Variants in FBXO33 observed in about 807,000 individuals in gnomAD.
FBXO33 encodes F-box only protein 33.
Under a neutral mutation model 46.3 loss-of-function variants are expected in FBXO33, and 22 were observed. That is an observed-to-expected ratio of 0.48 (90% confidence interval 0.34 to 0.68). The LOEUF is 0.68. Among genes scored for constraint, FBXO33 ranks in the 30% least tolerant of loss-of-function variants. The pLI is 0.01. For missense variants in FBXO33, 692 were observed against 708.8 expected, an observed-to-expected ratio of 0.98 and a Z score of 0.27; for synonymous variants, 337 against 291.3, an observed-to-expected ratio of 1.16 and a Z score of -1.60.
At chr14:39,403,695 A>T (rs936089877) in intron 1 of FBXO33, among the ~76,000 whole-genome samples, 4 of 152,232 alleles carry the variant, frequency 2.6e-5, no homozygotes, top group Non-Finnish European at 4.4e-5. Flanking sequence ...TCCAATAATA[A>T]CGAACTAGAT....
chr14:39,426,126 A>T (rs1172368738), intron 1 of FBXO33, among the ~76,000 whole-genome samples: 2 of 151,976 alleles, frequency 1.3e-5, no homozygotes, highest in East Asian at 3.8e-4. Flanking sequence ...ATTTTTAAAA[A>T]TTATTTATTT....
rs576517410 is a variant in FBXO33, at chr14:39,399,506, TA to T, written c.*9del. The T allele has an allele frequency of 3.2e-5, 51 of 1,597,520 alleles. No individual in the cohort carries two copies. Among genetic ancestry groups the T allele is most frequent in the Admixed American group, 5.2e-5 (3 of 57,822 alleles). The stretch of plus-strand genomic sequence containing the variant: ...ATATGTAACCACAGGAATTCTACAT[TA>T]AAAAAAAGCTAAATGTCTTCACTGA... On this transcript the variant is annotated 3_prime_UTR_variant, in exon 4 of 4. Transcript: ENST00000298097.
chr14:39,404,059 T>C (rs1329924136), intron 1 of FBXO33, among the ~76,000 whole-genome samples: 1 of 152,190 alleles, frequency 6.6e-6, no homozygotes, highest in Non-Finnish European at 1.5e-5. Flanking sequence ...CATTTCTTGA[T>C]GGTATGTCAC....
chr14:39,432,410 G>C lies in FBXO33; in HGVS notation c.-248C>G, dbSNP rs1453302684. Reference sequence around the variant, plus strand: ...AGGAAAAGGCAGCCCTCCCTGCGCCGGTCGGCAGAGACAGAGAAGTGGTAG... The same window carrying C: ...AGGAAAAGGCAGCCCTCCCTGCGCCCGTCGGCAGAGACAGAGAAGTGGTAG... On this transcript the variant is annotated 5_prime_UTR_variant, in exon 1 of 4. Transcript: ENST00000298097. 2 of 238,810 alleles carry C rather than the reference G, an allele frequency of 8.4e-6. No homozygotes were observed. Among genetic ancestry groups the C allele is most frequent in the Non-Finnish European group, 8.0e-6 (1 of 124,974 alleles). The allele number at this position is 238,810 out of a possible 1,614,324, so 14.8% of individuals were successfully genotyped here.
At chr14:39,405,128 CAA>C (rs55890131) in intron 1 of FBXO33, among the ~76,000 whole-genome samples, 426 of 114,356 alleles carry the variant, frequency 3.7e-3, no homozygotes, top group East Asian at 7.3e-3. Flanking sequence ...GATTCTGTCT[CAA>C]AAAAAAAAAA....
At chr14:39,425,009 G>A (rs974941593) in intron 1 of FBXO33, among the ~76,000 whole-genome samples, 1 of 152,020 alleles carries the variant, frequency 6.6e-6, no homozygotes, top group African/African-American at 2.4e-5. Context: ...CCGAGATCAT[G>A]CCACTGCACT....
At position 39,431,643 on chromosome 14, in the gene FBXO33, G is replaced by A. The variant is rs2075553629; in HGVS notation, c.520C>T (p.Leu174Phe). 2 of 1,613,532 alleles carry A rather than the reference G, an allele frequency of 1.2e-6. No homozygotes were observed. The highest frequency in any genetic ancestry group is 1.7e-6 in the Non-Finnish European group (2 of 1,180,024). Residue 174 changes from leucine to phenylalanine, a missense_variant, in exon 1 of 4, where the codon CTC (leucine) becomes TTC (phenylalanine). Physicochemically the swap from Leu to Phe is conservative, Grantham distance 22 (BLOSUM62 0). Transcript: ENST00000298097. ...TGGEEVEALQ[L>F]SARWLEVLRT... ...AGCACTTCCAGCCAACGAGCTGAGAGCTGCAGGGCCTCGACTTCCTCCCCT... is the reference window on the plus strand; with the variant it reads ...AGCACTTCCAGCCAACGAGCTGAGAACTGCAGGGCCTCGACTTCCTCCCCT...
At chr14:39,415,004 G>C (rs2139411568) in intron 1 of FBXO33, among the ~76,000 whole-genome samples, 1 of 152,236 alleles carries the variant, frequency 6.6e-6, no homozygotes, top group Non-Finnish European at 1.5e-5. Flanking sequence ...CAAGAAATGG[G>C]GGAAGGGCTG....
intron 2 of FBXO33, among the ~76,000 whole-genome samples, 182 bp from the exon 3 acceptor site, chr14:39,402,043 G>C (rs2075371043): frequency 6.6e-6 from 1 of 152,002 alleles, no homozygotes; most frequent in East Asian, 1.9e-4. Context: ...TAATGAATAA[G>C]GTATATTAAA....
chr14:39,403,386 G>A (rs923313444), intron 1 of FBXO33, among the ~76,000 whole-genome samples: 13 of 152,056 alleles, frequency 8.5e-5, no homozygotes, highest in Non-Finnish European at 1.9e-4. Flanking sequence ...GCTTGAGGTC[G>A]GGAGTTCGAG....
chr14:39,427,553 G>A (rs1343275548), intron 1 of FBXO33, among the ~76,000 whole-genome samples: 1 of 152,052 alleles, frequency 6.6e-6, no homozygotes, highest in Non-Finnish European at 1.5e-5. Flanking sequence ...GAAAAATAAG[G>A]CTAAAAACTG....
At chr14:39,416,602 CGATT>C (rs1227669267) in intron 1 of FBXO33, among the ~76,000 whole-genome samples, 2 of 151,884 alleles carry the variant, frequency 1.3e-5, no homozygotes, top group African/African-American at 4.8e-5. Context: ...TCTGCTTGAT[CGATT>C]GTCAGCTGCT....
At chr14:39,400,796 TGAG>T (rs1018118288) in intron 3 of FBXO33, among the ~76,000 whole-genome samples, 5 of 152,176 alleles carry the variant, frequency 3.3e-5, no homozygotes, top group Non-Finnish European at 5.9e-5. Flanking sequence ...ATCTAAAAGA[TGAG>T]GTAGTGAGCA....
chr14:39,414,062 A>T (rs773052645), intron 1 of FBXO33, among the ~76,000 whole-genome samples: 1 of 152,218 alleles, frequency 6.6e-6, no homozygotes, highest in Non-Finnish European at 1.5e-5. Flanking sequence ...TAGCTATCAA[A>T]GTCCTAGATG....
At chr14:39,406,394 A>G (rs545706525) in intron 1 of FBXO33, among the ~76,000 whole-genome samples, 1 of 152,350 alleles carries the variant, frequency 6.6e-6, no homozygotes, top group South Asian at 2.1e-4. Context: ...TCTACAAAGA[A>G]ACACTAAGGA....
rs77529561 is a variant in FBXO33 at position 39,414,479 on chromosome 14, C to G, written c.600-11968G>C. On this transcript the variant is annotated intron_variant, in intron 1 of 3. Transcript: ENST00000298097. ...TTATACTTTCTTTCAAAAACTTTTC[C>G]TTTGCATTCACAACTTGCCTGTTTG... 1.5e-4 allele frequency among the ~76,000 whole-genome samples: 23 copies of G among 152,276 alleles called. No individual in the cohort carries two copies. In the East Asian group the frequency reaches 3.7e-3, roughly 24 times the overall value.
intron 1 of FBXO33, 74 bp from the exon 2 acceptor site, chr14:39,402,585 T>A (rs998462229): frequency 1.2e-5 from 8 of 640,922 alleles, no homozygotes; most frequent in Non-Finnish European, 1.8e-5. Flanking sequence ...AAAATAAGAA[T>A]ATGCAAAGGG....
At chr14:39,411,377 C>G (rs1313571035) in intron 1 of FBXO33, among the ~76,000 whole-genome samples, 2 of 152,112 alleles carry the variant, frequency 1.3e-5, no homozygotes, top group Non-Finnish European at 2.9e-5. Flanking sequence ...CAGGTGTGAG[C>G]CACTGCGCCT....
chr14:39,404,944 C>T (rs529874049), intron 1 of FBXO33, among the ~76,000 whole-genome samples: 71 of 151,652 alleles, frequency 4.7e-4, no homozygotes, highest in Non-Finnish European at 8.5e-4. Context: ...GTCAGGAGTT[C>T]GAGACCAGTC....
Sources: gnomAD v4.1 joint callset for allele counts (sites outside exome capture counted in the v4.1 genomes callset) on GRCh38, gnomAD v4.1.1 for gene constraint, MANE v1.5 for transcripts, NCBI Gene and HGNC (gene_info 2026-07-23, HGNC 2026-07-21) for gene names.